The following PGS1 variants were observed in gnomAD, a reference collection of about 807,000 sequenced individuals.
PGS1 encodes phosphatidylglycerophosphate synthase 1.
In PGS1, 44 loss-of-function variants were observed where a neutral mutation model predicts 58.3. The observed-to-expected ratio is 0.75, with a 90% CI of 0.59 to 0.97. PGS1 has a LOEUF of 0.97. PGS1 is among the 50% of genes least tolerant of loss of function. The pLI is 0.00. For missense variants in PGS1, 684 were observed against 731.1 expected (o/e 0.94, Z 0.74); for synonymous variants, 330 against 311.0 (o/e 1.06, Z -0.64).
At position 78,385,569 on chromosome 17, in the gene PGS1, G is replaced by A. The variant is rs554416730; in HGVS notation, c.143+6761G>A. ...CTCCCAAAGTGTTGGGATTACAGGC[G>A]TGAGCCGCTGTGCCTGGCCTAATTT... On this transcript the variant is annotated intron_variant, in intron 1 of 9. Transcript: ENST00000262764. Among the ~76,000 whole-genome samples the A allele has an allele frequency of 2.5e-4, 38 of 152,284 alleles. 2 individuals are homozygous for A. The South Asian group carries it at 7.7e-3, about 31-fold the overall frequency.
chr17:78,424,052 G>C lies in PGS1; in HGVS notation c.*11-9G>C. On this transcript the variant is annotated splice_polypyrimidine_tract_variant and intron_variant, in intron 9 of 9. Coordinates refer to ENST00000262764, the MANE Select transcript of PGS1 (RefSeq NM_024419.5). The stretch of plus-strand genomic sequence containing the variant: ...TCATAGATGTTCTTGGTCTCCATGC[G>C]GTCCACAGGAATGGCCTTGATGAAG... 1 of 1,614,046 alleles carries C rather than the reference G, an allele frequency of 6.2e-7. No individual in the cohort carries two copies. Among genetic ancestry groups the C allele is most frequent in the Non-Finnish European group, 8.5e-7 (1 of 1,179,908 alleles).
At chr17:78,401,683 G>T (rs1218681220) in intron 6 of PGS1, among the ~76,000 whole-genome samples, 1 of 152,164 alleles carries the variant, frequency 6.6e-6, no homozygotes. Flanking sequence ...TGTCAGGGGA[G>T]CCCTGGGCCT....
At chr17:78,384,621 C>T (rs1259155901) in intron 1 of PGS1, among the ~76,000 whole-genome samples, 1 of 152,170 alleles carries the variant, frequency 6.6e-6, no homozygotes, top group African/African-American at 2.4e-5. Flanking sequence ...GCCCCTGGAC[C>T]TTCAGACCAC....
At chr17:78,410,014 G>A (rs2084493614) in intron 7 of PGS1, among the ~76,000 whole-genome samples, 1 of 152,182 alleles carries the variant, frequency 6.6e-6, no homozygotes, top group Non-Finnish European at 1.5e-5. Flanking sequence ...GGGAGGTTGA[G>A]GCATGAGAAT....
Position 78,392,480 on chromosome 17 carries a change from C to T in PGS1, c.148C>T (p.Pro50Ser). ...RNRDRQRRRS[P>S]WLLLAPLLSP... ...GTTGCATATTTCTTTAACCAGGTCA[C>T]CATGGCTGTTATTGGCTCCCTTGCT... The change falls in exon 2 of 10, where the codon CCA becomes TCA. Residue 50 changes from proline to serine, a missense_variant. By Grantham distance (74) the Pro-to-Ser change is moderately conservative (BLOSUM62 -1). Coordinates refer to ENST00000262764, the MANE Select transcript of PGS1 (RefSeq NM_024419.5). 2 of 1,610,934 alleles carry T rather than the reference C, an allele frequency of 1.2e-6. No individual in the cohort carries two copies. Among genetic ancestry groups the T allele is most frequent in the Non-Finnish European group, 1.7e-6 (2 of 1,178,620 alleles).
At chr17:78,384,323 G>A (rs1282311926) in intron 1 of PGS1, among the ~76,000 whole-genome samples, 5 of 152,132 alleles carry the variant, frequency 3.3e-5, no homozygotes, top group Non-Finnish European at 7.4e-5. Flanking sequence ...AGGAAGGGCC[G>A]CCTGCTGCCA....
rs181330099 is a variant in PGS1 at position 78,387,758 on chromosome 17, C to T, written c.144-4718C>T. The stretch of plus-strand genomic sequence containing the variant: ...GGGACTACAGGTGCACGCCACCATG[C>T]CTGGCTAACTTTTAATTTTTCTAGA... On this transcript the variant is annotated intron_variant, in intron 1 of 9. Coordinates refer to ENST00000262764, the MANE Select transcript of PGS1 (RefSeq NM_024419.5). Among the ~76,000 whole-genome samples, 6 of 152,166 alleles carry T rather than the reference C, an allele frequency of 3.9e-5. No individual in the cohort carries two copies. The East Asian group carries it at 1.2e-3, about 29-fold the overall frequency.
chr17:78,380,926 A>G (rs1021639023), intron 1 of PGS1: 3 of 151,758 alleles, frequency 2.0e-5, no homozygotes, highest in African/African-American at 7.3e-5. Context: ...GCTCAGTGCA[A>G]CCTCTACCTC....
intron 9 of PGS1, 30 bp from the exon 10 acceptor site, chr17:78,424,031 A>G (rs1203437712): frequency 6.2e-7 from 1 of 1,613,932 alleles, no homozygotes; most frequent in Non-Finnish European, 8.5e-7. Flanking sequence ...GGACACTCAT[A>G]GATGTTCTTG....
chr17:78,411,902 CTTT>C (rs35472026), intron 7 of PGS1, among the ~76,000 whole-genome samples: 29 of 58,008 alleles, frequency 5.0e-4, no homozygotes, highest in South Asian at 2.1e-3. Flanking sequence ...AGGGCTCCTG[CTTT>C]TTTTTTTTTT....
intron 3 of PGS1, chr17:78,397,980 ACG>A (rs2083369114): frequency 2.7e-5 from 15 of 547,274 alleles, no homozygotes; most frequent in South Asian, 2.2e-4. Flanking sequence ...CCAGGGTGGC[ACG>A]GGCTGGCTGT....
intron 7 of PGS1, among the ~76,000 whole-genome samples, chr17:78,411,261 G>T (rs2084665175): frequency 6.6e-6 from 1 of 152,194 alleles, no homozygotes; most frequent in Non-Finnish European, 1.5e-5. Context: ...GGTGGGCAGG[G>T]CCTATTGGAA....
At chr17:78,421,905 GGCGGGCGGCGGCC>G (rs1568016280) in intron 9 of PGS1, 1 of 95,942 alleles carries the variant, frequency 1.0e-5, no homozygotes, top group African/African-American at 4.8e-5. Context: ...AGCAGCGGGC[GGCGGGCGGCGGCC>G]GCCGCAGTCC....
intron 1 of PGS1, among the ~76,000 whole-genome samples, chr17:78,387,033 C>G (rs1006612541): frequency 6.6e-6 from 1 of 151,978 alleles, no homozygotes; most frequent in Non-Finnish European, 1.5e-5. Flanking sequence ...ATTTTTGAGA[C>G]ACAGTCTCTC....
chr17:78,381,762 A>G (rs1455313232), intron 1 of PGS1, among the ~76,000 whole-genome samples: 1 of 152,190 alleles, frequency 6.6e-6, no homozygotes, highest in Non-Finnish European at 1.5e-5. Flanking sequence ...GTTTCCTTTC[A>G]GGCATAGAGA....
Position 78,416,715 on chromosome 17 carries a change from A to G in PGS1, c.1551+1688A>G, listed in dbSNP as rs4600525. ...TGGAGGGTGGTAGGTCTGCTACTGTAGCTCTTCCATTCTTTAGGGATAGAC... is the reference window on the plus strand; with the variant it reads ...TGGAGGGTGGTAGGTCTGCTACTGTGGCTCTTCCATTCTTTAGGGATAGAC... On this transcript the variant is annotated intron_variant, in intron 8 of 9. Transcript: ENST00000262764. 3.4e-3 allele frequency among the ~76,000 whole-genome samples: 523 copies of G among 152,296 alleles called. 1 individual carries two copies. Among genetic ancestry groups the G allele is most frequent in the African/African-American group, 0.012 (503 of 41,562 alleles).
At chr17:78,411,639 G>A (rs1408032586) in intron 7 of PGS1, among the ~76,000 whole-genome samples, 1 of 152,178 alleles carries the variant, frequency 6.6e-6, no homozygotes, top group African/African-American at 2.4e-5. Context: ...CGTTCCTGCT[G>A]CACGTCTCCC....
At chr17:78,387,303 CTT>C (rs552622170) in intron 1 of PGS1, among the ~76,000 whole-genome samples, 1 of 144,564 alleles carries the variant, frequency 6.9e-6, no homozygotes, top group Admixed American at 6.9e-5. Context: ...TGCGCCCAGC[CTT>C]TTTTTTTTTT....
chr17:78,420,672 T>G (rs1322926297), intron 9 of PGS1: 1 of 152,238 alleles, frequency 6.6e-6, no homozygotes, highest in Non-Finnish European at 1.5e-5. Context: ...TAAGTCTCAT[T>G]GTTTAAAAAT....
Sources: gnomAD v4.1 joint callset for allele counts (sites outside exome capture counted in the v4.1 genomes callset) on GRCh38, gnomAD v4.1.1 for gene constraint, MANE v1.5 for transcripts, NCBI Gene and HGNC (gene_info 2026-07-23, HGNC 2026-07-21) for gene names.